The following HPSE2 variants were observed in gnomAD, a reference collection of about 807,000 sequenced individuals.
HPSE2 encodes the protein heparanase 2 (inactive), also known as inactive heparanase-2.
In HPSE2, 38 loss-of-function variants were observed where a neutral mutation model predicts 60.5. The ratio of observed to expected loss-of-function variants is 0.63; its 90% CI spans 0.48 to 0.82. HPSE2 has a LOEUF of 0.82. HPSE2 is among the 40% of genes least tolerant of loss of function. HPSE2 has a pLI of 0.00. For missense variants in HPSE2, 713 were observed against 740.4 expected, an observed-to-expected ratio of 0.96 and a Z score of 0.43; for synonymous variants, 295 against 293.2, an observed-to-expected ratio of 1.01 and a Z score of -0.06.
chr10:98,732,095 C>T (rs2134286877), intron 4 of HPSE2, among the ~76,000 whole-genome samples: 1 of 152,124 alleles, frequency 6.6e-6, no homozygotes, highest in South Asian at 2.1e-4. Context: ...AAGTACAAAA[C>T]TTATACACTG....
At chr10:98,542,170 G>A (rs562765632) in intron 9 of HPSE2, among the ~76,000 whole-genome samples, 4 of 152,244 alleles carry the variant, frequency 2.6e-5, no homozygotes, top group South Asian at 4.1e-4. Flanking sequence ...CGCGGTTCAC[G>A]AAAATCCGCT....
Position 99,126,295 on chromosome 10 carries a change from C to T in HPSE2, c.610+17943G>A, listed in dbSNP as rs80281739. ...ACCACAACCAATCCCCCACAGTGGCCGCAGCAAGCCTTGCCCAAGTCTGAG... is the reference window on the plus strand; with the variant it reads ...ACCACAACCAATCCCCCACAGTGGCTGCAGCAAGCCTTGCCCAAGTCTGAG... On this transcript the variant is annotated intron_variant, in intron 3 of 11. Coordinates refer to ENST00000370552, the MANE Select transcript of HPSE2 (RefSeq NM_021828.5). The surrounding 1 kb of genome is among the most constrained non-coding windows in gnomAD (Gnocchi z 4.0). Among the ~76,000 whole-genome samples the T allele has an allele frequency of 4.3e-3, 654 of 152,228 alleles. 3 individuals carry two copies. The highest frequency in any genetic ancestry group is 0.015 in the African/African-American group (621 of 41,524).
rs551484603 is a variant in HPSE2 at position 98,931,313 on chromosome 10, G to T, written c.611-187257C>A. Among the ~76,000 whole-genome samples the T allele has an allele frequency of 8.1e-4, 116 of 143,736 alleles. 20 individuals are homozygous for T. In the Middle Eastern group the frequency reaches 0.011, roughly 13 times the overall value. The allele number at this position is 143,736 out of a possible 152,430, so 94.3% of individuals were successfully genotyped here. On this transcript the variant is annotated intron_variant, in intron 3 of 11. Coordinates refer to ENST00000370552, the MANE Select transcript of HPSE2 (RefSeq NM_021828.5). ...GTTTTATTTCTAAGTTCTCTATTCTGTTCCATTTGTCTATGTGCCTGTTTT... is the reference window on the plus strand; with the variant it reads ...GTTTTATTTCTAAGTTCTCTATTCTTTTCCATTTGTCTATGTGCCTGTTTT...
chr10:99,209,526 GA>G lies in HPSE2; in HGVS notation c.448+22821del, dbSNP rs1347893142. On this transcript the variant is annotated intron_variant, in intron 2 of 11. Transcript: ENST00000370552. ...TTTATAGCAATAAATGCTTACAGGG[GA>G]AAAAAAAGATTTTAAATAACCTAAC... 7.3e-5 allele frequency among the ~76,000 whole-genome samples: 11 copies of G among 151,020 alleles called. No homozygotes were observed. In the South Asian group the frequency reaches 1.5e-3, roughly 20 times the overall value.
At chr10:98,921,513 G>A (rs932067234) in intron 3 of HPSE2, among the ~76,000 whole-genome samples, 2 of 152,162 alleles carry the variant, frequency 1.3e-5, no homozygotes, top group Non-Finnish European at 2.9e-5. Context: ...AGATTACGAT[G>A]GTCAGGGGAA....
chr10:98,580,034 C>T (rs1944749683), intron 9 of HPSE2, among the ~76,000 whole-genome samples: 1 of 152,196 alleles, frequency 6.6e-6, no homozygotes, highest in Admixed American at 6.6e-5. Context: ...GATTAAAAGT[C>T]AGGTGAGTTA....
chr10:98,825,943 A>T (rs190210396), intron 3 of HPSE2, among the ~76,000 whole-genome samples: 32 of 152,268 alleles, frequency 2.1e-4, no homozygotes, highest in African/African-American at 5.5e-4. Context: ...GTCTCTGACC[A>T]CTAAATTAAC....
intron 3 of HPSE2, chr10:99,013,080 T>C (rs776556077): frequency 1.7e-5 from 10 of 602,158 alleles, no homozygotes; most frequent in African/African-American, 3.8e-5. Context: ...ACAAAGTCTA[T>C]GAGAAGAGGT....
intron 11 of HPSE2, among the ~76,000 whole-genome samples, chr10:98,460,499 G>A (rs10883102): frequency 0.63 from 95,915 of 151,374 alleles, 30,546 homozygotes; most frequent in African/African-American, 0.66. Flanking sequence ...TGGCATGGTG[G>A]CTACTCAGGA....
Position 98,614,978 on chromosome 10 carries a change from C to T in HPSE2, c.1246G>A (p.Asp416Asn). ...TLGMLANQGI[D>N]VVIRHSFFDH... is the part of the protein sequence containing the mutation. Reference sequence around the variant, plus strand: ...AAAAATGAGTGCCGTATCACGACATCAATGCCCTGATTGGCCAGCATTCCT... The same window carrying T: ...AAAAATGAGTGCCGTATCACGACATTAATGCCCTGATTGGCCAGCATTCCT... The change falls in exon 9 of 12, where the codon GAT (aspartate) becomes AAT (asparagine). Residue 416 changes from aspartate to asparagine, a missense_variant. Coordinates refer to ENST00000370552, the MANE Select transcript of HPSE2 (RefSeq NM_021828.5). 1 of 1,614,062 alleles carries T rather than the reference C, an allele frequency of 6.2e-7. No homozygotes were observed. The highest frequency in any genetic ancestry group is 1.7e-5 in the Admixed American group (1 of 60,020).
chr10:99,234,429 T>C (rs1326769350), intron 1 of HPSE2, among the ~76,000 whole-genome samples: 1 of 152,156 alleles, frequency 6.6e-6, no homozygotes, highest in Non-Finnish European at 1.5e-5. Context: ...GGACCTGGCC[T>C]CGGGGCAAAG....
At chr10:99,307,847 C>G in the HPSE2 span, among the ~76,000 whole-genome samples, 2 of 151,778 alleles carry the variant, frequency 1.3e-5, no homozygotes, top group Admixed American at 6.6e-5. Context: ...CACACACACA[C>G]ACACACACAC....
chr10:99,064,908 T>C (rs1053468061), intron 3 of HPSE2, among the ~76,000 whole-genome samples: 3 of 152,158 alleles, frequency 2.0e-5, no homozygotes, highest in Non-Finnish European at 2.9e-5. Flanking sequence ...TAACACTGTT[T>C]AGAAACAATA....
chr10:99,219,516 C>T (rs182038213), intron 2 of HPSE2, among the ~76,000 whole-genome samples: 70 of 152,298 alleles, frequency 4.6e-4, no homozygotes, highest in African/African-American at 1.6e-3. Flanking sequence ...ACCCCCAAAA[C>T]ACAAGTACCT....
Position 98,852,155 on chromosome 10 carries a change from GTGTGTGTGTGTATA to G in HPSE2, c.611-108113_611-108100del, listed in dbSNP as rs796283884. On this transcript the variant is annotated intron_variant, in intron 3 of 11. Coordinates refer to ENST00000370552, the MANE Select transcript of HPSE2 (RefSeq NM_021828.5). ...TGTGTGTGTGTGTGTGTGTGTGTGT[GTGTGTGTGTGTATA>G]TATGTTTGGTTTTCATCCATCCTTC... Among the ~76,000 whole-genome samples, 188 of 130,968 alleles carry G rather than the reference GTGTGTGTGTGTATA, an allele frequency of 1.4e-3. 1 individual carries two copies. Among genetic ancestry groups the G allele is most frequent in the East Asian group, 7.9e-3 (36 of 4,542 alleles). The allele number at this position is 130,968 out of a possible 152,430, so 85.9% of individuals were successfully genotyped here. A position where few individuals can be genotyped will look rare whatever the true frequency, so the allele number is the denominator to read the frequency against.
At chr10:98,964,737 C>A (rs1328793622) in intron 3 of HPSE2, among the ~76,000 whole-genome samples, 3 of 152,110 alleles carry the variant, frequency 2.0e-5, no homozygotes, top group African/African-American at 7.2e-5. Context: ...CTGTCAAGAC[C>A]TGACTTATCT....
chr10:99,134,180 A>C (rs1845555562), intron 3 of HPSE2, among the ~76,000 whole-genome samples: 1 of 152,302 alleles, frequency 6.6e-6, no homozygotes, highest in South Asian at 2.1e-4. Flanking sequence ...AAAAAGAATA[A>C]AAAGGAACAG....
Position 98,468,631 on chromosome 10 carries a change from T to C in HPSE2, c.1614-8892A>G, listed in dbSNP as rs146584544. 3.7e-4 allele frequency among the ~76,000 whole-genome samples: 57 copies of C among 152,198 alleles called. No homozygotes were observed. The East Asian group carries it at 8.9e-3, about 24-fold the overall frequency. ...TTGGGTCATTTTGTCTGCTACTGAC[T>C]TTTCATTTCTCAATTTTCAATAGTA... On this transcript the variant is annotated intron_variant, in intron 11 of 11. Coordinates refer to ENST00000370552, the MANE Select transcript of HPSE2 (RefSeq NM_021828.5).
chr10:99,296,419 G>A, the HPSE2 span, among the ~76,000 whole-genome samples: 1 of 152,112 alleles, frequency 6.6e-6, no homozygotes, highest in African/African-American at 2.4e-5. Context: ...CCCTTTCTGC[G>A]GAAATGACTC....
Sources: gnomAD v4.1 joint callset for allele counts (sites outside exome capture counted in the v4.1 genomes callset) on GRCh38, gnomAD v4.1.1 for gene constraint, Gnocchi (gnomAD v3.1) non-coding constraint, MANE v1.5 for transcripts, NCBI Gene and HGNC (gene_info 2026-07-23, HGNC 2026-07-21) for gene names.